The following SASH1 variants were observed in gnomAD, a reference collection of about 807,000 sequenced individuals.
The protein encoded by SASH1 is SAM and SH3 domain containing 1, also known as SAM and SH3 domain-containing protein 1.
A neutral mutation model predicts 125.2 loss-of-function variants in SASH1; 44 were observed. That is an observed-to-expected ratio of 0.35 (90% confidence interval 0.28 to 0.45). The LOEUF is 0.45. Among genes scored for constraint, SASH1 ranks in the 20% least tolerant of loss-of-function variants. The pLI is 1.00. For missense variants in SASH1, 1,426 were observed against 1,614.5 expected (o/e 0.88, Z 2.00); for synonymous variants, 639 against 649.1 (o/e 0.98, Z 0.24).
At chr6:148,417,516 C>G (rs1474007969) in intron 2 of SASH1, among the ~76,000 whole-genome samples, 1 of 152,050 alleles carries the variant, frequency 6.6e-6, no homozygotes, top group Admixed American at 6.6e-5. Flanking sequence ...ACCTAGGAGG[C>G]AGAGGTTGCA....
At chr6:148,470,182 G>A (rs1303641921) in intron 5 of SASH1, among the ~76,000 whole-genome samples, 1 of 152,224 alleles carries the variant, frequency 6.6e-6, no homozygotes, top group African/African-American at 2.4e-5. Flanking sequence ...AAAGGCAGTG[G>A]GTGATACAAA....
At chr6:148,254,551 G>T in the SASH1 span, among the ~76,000 whole-genome samples, 122,601 of 152,194 alleles carry the variant, frequency 0.81, 49,554 homozygotes, top group African/African-American at 0.86. Context: ...TGAATAGATA[G>T]CTCTCCAAAG....
At chr6:148,249,325 C>CGT in the SASH1 span, among the ~76,000 whole-genome samples, 62,805 of 128,888 alleles carry the variant, frequency 0.49, 13,316 homozygotes, top group African/African-American at 0.58. Context: ...TGCATGTGCA[C>CGT]GTGTGTGTGT....
intron 7 of SASH1, among the ~76,000 whole-genome samples, chr6:148,485,466 T>A (rs1778799449): frequency 6.6e-6 from 1 of 152,340 alleles, no homozygotes; most frequent in African/African-American, 2.4e-5. Flanking sequence ...GTAATAATAA[T>A]AGTATTATAC....
chr6:148,307,080 CTT>C (rs1214659527), intron 1 of SASH1, among the ~76,000 whole-genome samples: 7 of 145,234 alleles, frequency 4.8e-5, no homozygotes, highest in South Asian at 2.2e-4. Flanking sequence ...TTCTTTCTTT[CTT>C]TCTTTCTTTC....
At chr6:148,412,013 A>G (rs181107344) in intron 2 of SASH1, among the ~76,000 whole-genome samples, 2 of 152,326 alleles carry the variant, frequency 1.3e-5, no homozygotes, top group East Asian at 3.9e-4. Flanking sequence ...TTTTGATATA[A>G]TTTATGTTGT....
chr6:148,419,000 C>T (rs1215616773), intron 2 of SASH1, among the ~76,000 whole-genome samples: 1 of 152,144 alleles, frequency 6.6e-6, no homozygotes, highest in African/African-American at 2.4e-5. Flanking sequence ...GGCATTGTCA[C>T]GTGGCATATT....
At chr6:148,389,143 A>G (rs1029737347) in intron 1 of SASH1, among the ~76,000 whole-genome samples, 2 of 152,204 alleles carry the variant, frequency 1.3e-5, no homozygotes, top group African/African-American at 4.8e-5. Context: ...AGTGAGTATT[A>G]CACTGCGAGA....
At chr6:148,494,552 G>A (rs1208204755) in intron 8 of SASH1, among the ~76,000 whole-genome samples, 8 of 152,016 alleles carry the variant, frequency 5.3e-5, no homozygotes, top group Middle Eastern at 3.2e-3. Context: ...GCTTGAACCC[G>A]GGAGGTAGAG....
At chr6:148,247,764 A>G in the SASH1 span, among the ~76,000 whole-genome samples, 1 of 152,242 alleles carries the variant, frequency 6.6e-6, no homozygotes, top group Non-Finnish European at 1.5e-5. Context: ...GGACTCATTT[A>G]TTTCATAGAA....
At chr6:148,535,444 G>T (rs1414212173) in intron 16 of SASH1, among the ~76,000 whole-genome samples, 1 of 152,212 alleles carries the variant, frequency 6.6e-6, no homozygotes, top group Non-Finnish European at 1.5e-5. Flanking sequence ...ACTTCTCAGA[G>T]CACACGAGGA....
At position 148,326,359 on chromosome 6, in the gene SASH1, C is replaced by CATAT. The variant is rs1212032481; in HGVS notation, n.74+53994_74+53997dup. 1.4e-3 allele frequency among the ~76,000 whole-genome samples: 20 copies of CATAT among 14,586 alleles called. 1 individual carries two copies. The highest frequency in any genetic ancestry group is 4.6e-3 in the East Asian group (1 of 216). 9.6% of individuals were successfully genotyped at this position (14,586 alleles called of 152,430 possible). The stretch of plus-strand genomic sequence containing the variant: ...ATATATATATATATATATATATATG[C>CATAT]ATATATATATATATACATTCTTTTC... On this transcript the variant is annotated intron_variant and non_coding_transcript_variant, in intron 1 of 3. Transcript: ENST00000367469.
intron 1 of SASH1, among the ~76,000 whole-genome samples, chr6:148,313,032 A>G (rs1562319500): frequency 6.6e-6 from 1 of 152,190 alleles, no homozygotes; most frequent in East Asian, 1.9e-4. Context: ...AAGACAAAAC[A>G]ACACCCCTTC....
intron 4 of SASH1, among the ~76,000 whole-genome samples, chr6:148,462,472 A>T (rs1425358300): frequency 6.6e-6 from 1 of 152,052 alleles, no homozygotes; most frequent in Non-Finnish European, 1.5e-5. Flanking sequence ...TGTAGCTTAG[A>T]CTATTTGTAT....
intron 8 of SASH1, among the ~76,000 whole-genome samples, chr6:148,497,089 A>G (rs1202038381): frequency 6.6e-6 from 1 of 152,168 alleles, no homozygotes; most frequent in African/African-American, 2.4e-5. Flanking sequence ...AATGATAGTA[A>G]AATAAGAATA....
In SASH1 at chr6:148,535,179, A is replaced by C. The variant is rs528249700; in HGVS notation, c.2095+278A>C. Among the ~76,000 whole-genome samples, 150 of 152,286 alleles carry C rather than the reference A, an allele frequency of 9.8e-4. 1 individual carries two copies. The highest frequency in any genetic ancestry group is 3.3e-3 in the African/African-American group (137 of 41,570). Reference sequence around the variant, plus strand: ...CAAGGTCAAACAGCACAAAATCATAAATTCCCAGTGCAGACATGGGAACAA... The same window carrying C: ...CAAGGTCAAACAGCACAAAATCATACATTCCCAGTGCAGACATGGGAACAA... On this transcript the variant is annotated intron_variant, in intron 16 of 19. Transcript: ENST00000367467.
intron 10 of SASH1, among the ~76,000 whole-genome samples, chr6:148,522,714 G>A (rs1270864285): frequency 2.6e-5 from 4 of 152,126 alleles, no homozygotes; most frequent in African/African-American, 9.7e-5. Flanking sequence ...TATCTAAAGT[G>A]TTTTTATAAT....
chr6:148,535,772 T>C (rs570481925), intron 16 of SASH1, among the ~76,000 whole-genome samples: 1 of 152,322 alleles, frequency 6.6e-6, no homozygotes, highest in Non-Finnish European at 1.5e-5. Context: ...GGAGTATCCT[T>C]TCCAGTTACT....
intron 1 of SASH1, among the ~76,000 whole-genome samples, chr6:148,322,384 G>T (rs999235151): frequency 1.3e-5 from 2 of 152,048 alleles, no homozygotes; most frequent in African/African-American, 4.8e-5. Flanking sequence ...AAAATAAAAA[G>T]AAACCTTCCA....
Sources: allele counts gnomAD v4.1 joint callset (sites outside exome capture counted in the v4.1 genomes callset), GRCh38; gene constraint gnomAD v4.1.1; transcripts MANE v1.5; gene names NCBI Gene and HGNC (gene_info 2026-07-23, HGNC 2026-07-21).